The following MEIS2 variants were observed in gnomAD, a reference collection of about 807,000 sequenced individuals.
The protein encoded by MEIS2 is Meis homeobox 2.
MEIS2 carries 9 observed loss-of-function variants against 58.6 expected under a neutral mutation model. The observed-to-expected ratio is 0.15, with a 90% confidence interval of 0.09 to 0.27. The LOEUF (loss-of-function observed/expected upper bound fraction) is 0.27. MEIS2 is among the 10% of genes least tolerant of loss of function. The pLI is 1.00. For missense variants in MEIS2, 427 were observed against 635.0 expected, an observed-to-expected ratio of 0.67 and a Z score of 3.52; for synonymous variants, 221 against 228.4, an observed-to-expected ratio of 0.97 and a Z score of 0.29.
At chr15:36,987,455 T>C (rs2060131584) in intron 8 of MEIS2, among the ~76,000 whole-genome samples, 1 of 150,484 alleles carries the variant, frequency 6.6e-6, no homozygotes, top group South Asian at 2.1e-4. Flanking sequence ...GGTAAACTTC[T>C]AAAACTTAGA....
At chr15:37,019,399 C>T (rs2061448855) in intron 8 of MEIS2, among the ~76,000 whole-genome samples, 1 of 152,166 alleles carries the variant, frequency 6.6e-6, no homozygotes, top group African/African-American at 2.4e-5. Flanking sequence ...GTCTACCACC[C>T]CTGTGCTTTC....
At chr15:36,944,528 C>G (rs2058490580) in intron 9 of MEIS2, among the ~76,000 whole-genome samples, 1 of 152,064 alleles carries the variant, frequency 6.6e-6, no homozygotes, top group Non-Finnish European at 1.5e-5. Flanking sequence ...ATCTCTGCCT[C>G]TTTCCACGGC....
chr15:37,039,828 C>A (rs1204161271), intron 7 of MEIS2, among the ~76,000 whole-genome samples: 1 of 152,042 alleles, frequency 6.6e-6, no homozygotes, highest in Admixed American at 6.6e-5. Context: ...AAATTTTAAA[C>A]TAATATATGT....
chr15:36,930,130 G>A (rs2057912604), intron 9 of MEIS2, among the ~76,000 whole-genome samples: 1 of 149,740 alleles, frequency 6.7e-6, no homozygotes, highest in African/African-American at 2.5e-5. Flanking sequence ...TTGAACCCAG[G>A]AGACAGAGGT....
chr15:37,014,422 G>C (rs2061272488), intron 8 of MEIS2, among the ~76,000 whole-genome samples: 1 of 152,126 alleles, frequency 6.6e-6, no homozygotes, highest in Admixed American at 6.5e-5. Flanking sequence ...GGAAAAATGA[G>C]CTCTTCCCAA....
At chr15:37,052,852 C>T (rs542109194) in intron 7 of MEIS2, among the ~76,000 whole-genome samples, 41 of 152,246 alleles carry the variant, frequency 2.7e-4, no homozygotes, top group Non-Finnish European at 1.6e-4. Context: ...CAAAGGGTCA[C>T]GTGTGCTACT....
intron 8 of MEIS2, among the ~76,000 whole-genome samples, chr15:36,951,557 G>T (rs928149898): frequency 6.6e-6 from 1 of 151,924 alleles, no homozygotes; most frequent in Non-Finnish European, 1.5e-5. Flanking sequence ...CTATAATAGC[G>T]TACATTATCC....
chr15:36,978,504 G>A (rs1302344556), intron 8 of MEIS2, among the ~76,000 whole-genome samples: 1 of 152,178 alleles, frequency 6.6e-6, no homozygotes, highest in Non-Finnish European at 1.5e-5. Flanking sequence ...TACATGGATT[G>A]TTTTATTTTA....
intron 8 of MEIS2, among the ~76,000 whole-genome samples, chr15:36,995,706 T>TAAAAAAAAAAA (rs71821151): frequency 9.7e-4 from 4 of 4,120 alleles, no homozygotes; most frequent in African/African-American, 2.2e-3. Flanking sequence ...TTACAGCTAC[T>TAAAAAAAAAAA]AAAAAAAAAA....
chr15:37,089,423 C>T (rs954089879), intron 6 of MEIS2, among the ~76,000 whole-genome samples: 1 of 152,060 alleles, frequency 6.6e-6, no homozygotes, highest in African/African-American at 2.4e-5. Context: ...GGAGAGTCTC[C>T]TCTCTGACCT....
At chr15:36,941,972 AG>A (rs2058391470) in intron 9 of MEIS2, among the ~76,000 whole-genome samples, 1 of 152,180 alleles carries the variant, frequency 6.6e-6, no homozygotes, top group Admixed American at 6.5e-5. Flanking sequence ...GGAACTTAGG[AG>A]GTCGACATTA....
At chr15:37,066,918 A>G (rs1395371095) in intron 7 of MEIS2, among the ~76,000 whole-genome samples, 1 of 151,932 alleles carries the variant, frequency 6.6e-6, no homozygotes, top group Non-Finnish European at 1.5e-5. Context: ...AGCTGGGACT[A>G]TAGGTGCATG....
intron 9 of MEIS2, among the ~76,000 whole-genome samples, chr15:36,933,167 G>T (rs1445938644): frequency 6.6e-6 from 1 of 152,130 alleles, no homozygotes; most frequent in Non-Finnish European, 1.5e-5. Flanking sequence ...TTTCCAGTCT[G>T]TGCTGCTAGT....
rs760859088 is a variant in MEIS2, at chr15:37,098,074, G to A, written c.138C>T (p.His46=). ...VHHLNHGPPL[H]ATQHYGAHAP... ...CGTGCGCGCCGTAGTGCTGTGTGGC[G>A]TGGAGCGGCGGCCCGTGGTTCAGGT... Residue 46 remains histidine, a synonymous_variant, in exon 2 of 12, where the codon CAC becomes CAT. Coordinates refer to ENST00000561208, the MANE Select transcript of MEIS2 (RefSeq NM_170675.5). 4 of 1,613,732 alleles carry A rather than the reference G, an allele frequency of 2.5e-6. No individual in the cohort carries two copies. The African/African-American group carries it at 4.0e-5, about 16-fold the overall frequency.
At chr15:36,953,294 C>CATATA (rs2058829286) in intron 8 of MEIS2, among the ~76,000 whole-genome samples, 1 of 152,118 alleles carries the variant, frequency 6.6e-6, no homozygotes, top group Non-Finnish European at 1.5e-5. Context: ...GAACAGACAT[C>CATATA]CTATTGAAAT....
chr15:37,056,022 T>C (rs1456049649), intron 7 of MEIS2, among the ~76,000 whole-genome samples: 1 of 152,236 alleles, frequency 6.6e-6, no homozygotes. Context: ...TTCCTCAATG[T>C]TATTAAACAT....
intron 9 of MEIS2, among the ~76,000 whole-genome samples, chr15:36,940,455 G>A (rs568087977): frequency 6.6e-6 from 1 of 152,250 alleles, no homozygotes; most frequent in East Asian, 1.9e-4. Flanking sequence ...TCCAGGGGTG[G>A]TTGTTTTTTT....
intron 8 of MEIS2, among the ~76,000 whole-genome samples, chr15:36,971,210 G>A (rs959859398): frequency 6.6e-6 from 1 of 151,884 alleles, no homozygotes; most frequent in Non-Finnish European, 1.5e-5. Context: ...TCTCCTTATA[G>A]CATATTGAAA....
chr15:36,892,131 T>C lies in MEIS2; in HGVS notation c.*42A>G. The C allele has an allele frequency of 1.3e-6, 2 of 1,598,140 alleles. No individual in the cohort carries two copies. The highest frequency in any genetic ancestry group is 1.7e-6 in the Non-Finnish European group (2 of 1,167,126). On this transcript the variant is annotated 3_prime_UTR_variant, in exon 12 of 12. Transcript: ENST00000561208. The stretch of plus-strand genomic sequence containing the variant: ...GGTCAAAGTTCAGAAAGTCTTAAAA[T>C]AGTTTTTGCGTGTGTTTCCTTTTCC...
Sources: gnomAD v4.1 joint callset for allele counts (sites outside exome capture counted in the v4.1 genomes callset) on GRCh38, gnomAD v4.1.1 for gene constraint, MANE v1.5 for transcripts, NCBI Gene and HGNC (gene_info 2026-07-23, HGNC 2026-07-21) for gene names.